The following SORBS2 variants were observed in gnomAD, a reference collection of about 807,000 sequenced individuals.
The protein encoded by SORBS2 is sorbin and SH3 domain containing 2.
SORBS2 carries 46 observed loss-of-function variants against 97.7 expected under a neutral mutation model. The observed-to-expected ratio is 0.47, with a 90% confidence interval of 0.37 to 0.60. SORBS2 has a LOEUF of 0.60. Ranked by LOEUF, SORBS2 falls within the 20% of genes least tolerant of loss-of-function variation. The probability of loss-of-function intolerance (pLI) is 0.00; values close to 1 mark genes in which losing one functional copy is unlikely to be tolerated. For synonymous variants in SORBS2, 476 were observed against 473.4 expected (o/e 1.01, Z -0.07); for missense variants, 1,316 against 1,282.3 (o/e 1.03, Z -0.40).
chr4:185,833,341 A>T (rs2153674080), intron 1 of SORBS2, among the ~76,000 whole-genome samples: 1 of 152,328 alleles, frequency 6.6e-6, no homozygotes, highest in East Asian at 1.9e-4. Flanking sequence ...AGCAAAGCTT[A>T]AGCATTCCAG....
chr4:185,831,285 G>T (rs182141499), intron 1 of SORBS2, among the ~76,000 whole-genome samples: 1 of 152,192 alleles, frequency 6.6e-6, no homozygotes. Context: ...GAAGAAGAGC[G>T]GGTAGGTGGG....
chr4:185,693,792 A>G (rs2098131923), intron 2 of SORBS2, among the ~76,000 whole-genome samples: 1 of 152,258 alleles, frequency 6.6e-6, no homozygotes, highest in Non-Finnish European at 1.5e-5. Context: ...AGAACTAGTT[A>G]TCAACACCTA....
At chr4:185,879,072 G>A (rs1579297789) in intron 1 of SORBS2, among the ~76,000 whole-genome samples, 2 of 151,664 alleles carry the variant, frequency 1.3e-5, no homozygotes, top group East Asian at 3.9e-4. Context: ...TGCACAACGT[G>A]CAGGTTTGTT....
intron 2 of SORBS2, among the ~76,000 whole-genome samples, chr4:185,744,467 A>T (rs566369448): frequency 5.3e-5 from 8 of 152,316 alleles, no homozygotes; most frequent in Admixed American, 5.2e-4. Flanking sequence ...TGCATCACGA[A>T]ACGAGATCTA....
chr4:185,690,919 A>T (rs1397598495), intron 2 of SORBS2, among the ~76,000 whole-genome samples: 1 of 139,410 alleles, frequency 7.2e-6, no homozygotes, highest in Non-Finnish European at 1.5e-5. Flanking sequence ...TTTTTTTTTG[A>T]GACAGAGTCC....
intron 2 of SORBS2, among the ~76,000 whole-genome samples, chr4:185,752,995 C>G (rs1369994109): frequency 7.2e-5 from 11 of 152,168 alleles, no homozygotes; most frequent in Non-Finnish European, 1.3e-4. Context: ...GCCAAATATA[C>G]AAAGCCGCTG....
chr4:185,587,304 CTT>C (rs33934418), exon 15 of SORBS2: 2,815 of 157,396 alleles, frequency 0.018, 1 homozygote, highest in Middle Eastern at 0.029. Context: ...CCTGGAGACA[CTT>C]TTTTTTTTTT....
intron 1 of SORBS2, among the ~76,000 whole-genome samples, chr4:185,831,650 G>A (rs189805197): frequency 2.0e-4 from 30 of 152,248 alleles, no homozygotes; most frequent in Non-Finnish European, 3.8e-4. Flanking sequence ...TTATTATGCC[G>A]CAGGTATGTG....
intron 2 of SORBS2, among the ~76,000 whole-genome samples, chr4:185,650,397 A>T (rs2097293262): frequency 6.6e-6 from 1 of 151,828 alleles, no homozygotes; most frequent in Admixed American, 6.6e-5. Flanking sequence ...ATGGTATAGA[A>T]AAAAAGGCAG....
In SORBS2 at chr4:185,636,805, T is replaced by C. The variant is rs531317222; in HGVS notation, c.397-6207A>G. ...CTGGGACTACAGGCACCCGCCACCA[T>C]GCCCAACTAATGTTTGTATTTTTAG... On this transcript the variant is annotated intron_variant, in intron 4 of 14. Coordinates refer to ENST00000418609, the Ensembl canonical transcript of SORBS2. Among the ~76,000 whole-genome samples the C allele has an allele frequency of 3.3e-5, 5 of 152,282 alleles. No homozygotes were observed. In the East Asian group the frequency reaches 5.8e-4, roughly 18 times the overall value.
At chr4:185,646,626 G>A (rs2097212938) in intron 4 of SORBS2, 42 bp downstream of exon 13, 5 of 1,262,188 alleles carry the variant, frequency 4.0e-6, no homozygotes, top group Non-Finnish European at 4.6e-6. Flanking sequence ...AGCCCTGGGA[G>A]CCCAGCGAGC....
At chr4:185,735,133 G>A (rs2098674890) in intron 2 of SORBS2, among the ~76,000 whole-genome samples, 1 of 152,216 alleles carries the variant, frequency 6.6e-6, no homozygotes, top group Admixed American at 6.5e-5. Context: ...AGGAATTTGA[G>A]ACCAGGTAGG....
chr4:185,610,854 G>A (rs1018493048), intron 12 of SORBS2, among the ~76,000 whole-genome samples: 1 of 152,002 alleles, frequency 6.6e-6, no homozygotes, highest in African/African-American at 2.4e-5. Context: ...ATGTTGAGAA[G>A]TACTTAAAAC....
intron 1 of SORBS2, among the ~76,000 whole-genome samples, chr4:185,931,315 A>G (rs1183166762): frequency 6.6e-6 from 1 of 152,226 alleles, no homozygotes; most frequent in African/African-American, 2.4e-5. Context: ...GGAAAAGCTT[A>G]TGGTCTAATT....
chr4:185,642,418 A>G, intron 4 of SORBS2, among the ~76,000 whole-genome samples: 1 of 151,576 alleles, frequency 6.6e-6, no homozygotes, highest in East Asian at 1.9e-4. Context: ...TTTTTTTTAA[A>G]TTTAACATTA....
intron 1 of SORBS2, among the ~76,000 whole-genome samples, chr4:185,841,383 T>A (rs1315702049): frequency 6.6e-6 from 1 of 152,144 alleles, no homozygotes; most frequent in South Asian, 2.1e-4. Flanking sequence ...TAAAATCGAT[T>A]GCACTTGCTC....
chr4:185,668,846 T>C (rs2097662726), intron 4 of SORBS2, among the ~76,000 whole-genome samples: 1 of 152,126 alleles, frequency 6.6e-6, no homozygotes, highest in South Asian at 2.1e-4. Flanking sequence ...GGATCAAGGG[T>C]CACCAACTTT....
chr4:185,855,976 A>G (rs932099682), intron 1 of SORBS2, among the ~76,000 whole-genome samples: 4 of 152,208 alleles, frequency 2.6e-5, no homozygotes, highest in African/African-American at 9.6e-5. Flanking sequence ...TTCTCAGCAC[A>G]TAGCACAATA....
intron 1 of SORBS2, among the ~76,000 whole-genome samples, chr4:185,791,567 C>T (rs1301493790): frequency 6.6e-6 from 1 of 152,014 alleles, no homozygotes; most frequent in African/African-American, 2.4e-5. Context: ...GACCTCTTGA[C>T]TTGTTTTTTA....
Sources: gnomAD v4.1 joint callset for allele counts (sites outside exome capture counted in the v4.1 genomes callset) on GRCh38, gnomAD v4.1.1 for gene constraint, MANE v1.5 for transcripts, NCBI Gene and HGNC (gene_info 2026-07-23, HGNC 2026-07-21) for gene names.